Variants in TMEM266 observed in about 807,000 individuals in gnomAD.
TMEM266 encodes the protein transmembrane protein 266, also known as Hv1 related protein 1.
A neutral mutation model predicts 50.5 loss-of-function variants in TMEM266; 33 were observed. The observed-to-expected ratio is 0.65, with a 90% confidence interval of 0.50 to 0.87. The LOEUF is 0.87. Ranked by LOEUF, TMEM266 falls within the 40% of genes least tolerant of loss-of-function variation. TMEM266 has a pLI of 0.00. For synonymous variants in TMEM266, 310 were observed against 292.3 expected (o/e 1.06, Z -0.62); for missense variants, 655 against 695.1 (o/e 0.94, Z 0.65).
Position 76,192,048 on chromosome 15 carries a change from C to A in TMEM266, c.849C>A (p.Ala283=). Residue 283 remains alanine (A), a synonymous_variant, in exon 9 of 11, where the codon GCC becomes GCA. Transcript: ENST00000388942. ...CCGAGCGCGAAGCGGCGCTCCAGGC[C>A]CCGCACGTGCTCAGCCAGCCGCGCA... The A allele has an allele frequency of 6.5e-7, 1 of 1,539,174 alleles. No individual in the cohort carries two copies. Among genetic ancestry groups the A allele is most frequent in the Non-Finnish European group, 8.7e-7 (1 of 1,149,694 alleles).
Position 76,203,837 on chromosome 15 carries a change from T to C in TMEM266, c.1118T>C (p.Met373Thr). Residue 373 changes from methionine (M) to threonine (T), a missense_variant, in exon 11 of 11, where the codon ATG (methionine) becomes ACG (threonine). Around this residue, in one of 3 missense-constraint regions of TMEM266, gnomAD observed 455 missense variants for 401.8 expected, o/e 1.13. Coordinates refer to ENST00000388942, the MANE Select transcript of TMEM266 (RefSeq NM_152335.3). ...TCCTCGGACCTCTTCTCTCTGGACA[T>C]GCCCCTCAAACTCGGCGGTAATGGC... 1.9e-6 allele frequency: 3 copies of C among 1,614,208 alleles called. No homozygotes were observed. Among genetic ancestry groups the C allele is most frequent in the Non-Finnish European group, 2.5e-6 (3 of 1,180,032 alleles).
chr15:76,140,741 G>T (rs74676835), intron 3 of TMEM266, among the ~76,000 whole-genome samples: 1,799 of 152,182 alleles, frequency 0.012, 37 homozygotes, highest in African/African-American at 0.042. Context: ...GTCACACAGT[G>T]ACAGAGACGG....
rs934049190 is a variant in TMEM266, at chr15:76,145,491, C to T, written c.227+7596C>T. Among the ~76,000 whole-genome samples, 4 of 152,208 alleles carry T rather than the reference C, an allele frequency of 2.6e-5. No homozygotes were observed. In the South Asian group the frequency reaches 6.2e-4, roughly 24 times the overall value. ...AACAAAGAACTTTCCCAGAAGCCTC[C>T]AGCAGCTCTCTCCTTCATGTATGTT... is the stretch of plus-strand genomic sequence containing the variant. On this transcript the variant is annotated intron_variant, in intron 3 of 10. Coordinates refer to ENST00000388942, the MANE Select transcript of TMEM266 (RefSeq NM_152335.3).
At chr15:76,127,147 C>T (rs896509692) in intron 1 of TMEM266, among the ~76,000 whole-genome samples, 4 of 152,032 alleles carry the variant, frequency 2.6e-5, no homozygotes, top group African/African-American at 7.3e-5. Flanking sequence ...ATGATGTGAT[C>T]GGTATGTTAA....
intron 1 of TMEM266, among the ~76,000 whole-genome samples, chr15:76,079,876 A>G (rs978394684): frequency 2.6e-5 from 4 of 151,900 alleles, no homozygotes; most frequent in Non-Finnish European, 4.4e-5. Context: ...AACCCACTAT[A>G]GGTCGTAAGT....
chr15:76,121,388 CT>C (rs566993937), intron 1 of TMEM266, among the ~76,000 whole-genome samples: 4 of 151,970 alleles, frequency 2.6e-5, no homozygotes, highest in Non-Finnish European at 5.9e-5. Context: ...ACTTGGTGGG[CT>C]TAACAAAACA....
intron 1 of TMEM266, among the ~76,000 whole-genome samples, chr15:76,107,867 A>G (rs1188384805): frequency 6.6e-6 from 1 of 152,234 alleles, no homozygotes; most frequent in Non-Finnish European, 1.5e-5. Flanking sequence ...CTTATTCCAT[A>G]TCCTTCTGTC....
At chr15:76,087,992 T>C (rs1369041802) in intron 1 of TMEM266, among the ~76,000 whole-genome samples, 1 of 152,200 alleles carries the variant, frequency 6.6e-6, no homozygotes, top group African/African-American at 2.4e-5. Flanking sequence ...ACAACTTCTT[T>C]GCAACAATCA....
intron 9 of TMEM266, among the ~76,000 whole-genome samples, chr15:76,194,829 A>G (rs1408089511): frequency 6.6e-6 from 1 of 152,112 alleles, no homozygotes; most frequent in East Asian, 1.9e-4. Flanking sequence ...AACTAATGAC[A>G]TCTGCAACCG....
At chr15:76,186,399 TCC>T (rs777349530) in intron 8 of TMEM266, among the ~76,000 whole-genome samples, 6 of 152,326 alleles carry the variant, frequency 3.9e-5, no homozygotes, top group Admixed American at 6.5e-5. Context: ...CCCTGGGCTG[TCC>T]CAGCCTGTGA....
intron 1 of TMEM266, among the ~76,000 whole-genome samples, chr15:76,091,277 C>T (rs2036843611): frequency 6.6e-6 from 1 of 151,924 alleles, no homozygotes; most frequent in Admixed American, 6.6e-5. Context: ...GGGTGTACTC[C>T]AGCAAAGATA....
intron 3 of TMEM266, among the ~76,000 whole-genome samples, chr15:76,155,564 G>A (rs1210132155): frequency 1.3e-5 from 2 of 152,200 alleles, no homozygotes; most frequent in African/African-American, 4.8e-5. Flanking sequence ...GACAAAGGGT[G>A]TCACGGTCCA....
intron 8 of TMEM266, among the ~76,000 whole-genome samples, chr15:76,179,496 T>C (rs903923649): frequency 1.3e-5 from 2 of 152,188 alleles, no homozygotes; most frequent in African/African-American, 4.8e-5. Flanking sequence ...CACTGTTCTT[T>C]TCCAGCCCAT....
At chr15:76,100,399 C>T (rs1251020230) in intron 1 of TMEM266, among the ~76,000 whole-genome samples, 1 of 152,190 alleles carries the variant, frequency 6.6e-6, no homozygotes, top group Non-Finnish European at 1.5e-5. Flanking sequence ...CTCTAATTCC[C>T]TCACTAAAAA....
chr15:76,131,066 C>T (rs1385464972), intron 1 of TMEM266, among the ~76,000 whole-genome samples: 2 of 152,136 alleles, frequency 1.3e-5, no homozygotes, highest in Non-Finnish European at 2.9e-5. Flanking sequence ...GGGCTAATAC[C>T]TTGTGTAGCA....
At chr15:76,154,634 C>T (rs1205701750) in intron 3 of TMEM266, among the ~76,000 whole-genome samples, 2 of 152,202 alleles carry the variant, frequency 1.3e-5, no homozygotes, top group Non-Finnish European at 2.9e-5. Context: ...GCCTCTTCCT[C>T]TTCCTCCTTT....
chr15:76,077,569 A>C lies in TMEM266; in HGVS notation c.-97+17553A>C, dbSNP rs115018688. Among the ~76,000 whole-genome samples, 628 of 152,256 alleles carry C rather than the reference A, an allele frequency of 4.1e-3. 12 individuals carry two copies. The highest frequency in any genetic ancestry group is 0.014 in the African/African-American group (589 of 41,498). On this transcript the variant is annotated intron_variant, in intron 1 of 10. Transcript: ENST00000388942. ...TCTTGAGATAAGATAATTCTGGATT[A>C]TCAGATGGGCAGTAAATACCATCAC...
At chr15:76,073,039 C>T (rs1169722465) in intron 1 of TMEM266, among the ~76,000 whole-genome samples, 3 of 152,024 alleles carry the variant, frequency 2.0e-5, no homozygotes, top group Admixed American at 1.3e-4. Flanking sequence ...TCAAGTGATT[C>T]TCCTGCCTCA....
chr15:76,175,508 T>C lies in TMEM266; in HGVS notation c.653-51T>C, dbSNP rs375064625. ...GAATGCTGGGCCCGCCCTTCCCTAG[T>C]CCAAGCCCTGCCACTGCTGAATTCT... On this transcript the variant is annotated intron_variant, in intron 7 of 10. Transcript: ENST00000388942. 1.3e-4 allele frequency: 192 copies of C among 1,478,018 alleles called. 2 individuals are homozygous for C. The African/African-American group carries it at 2.3e-3, about 18-fold the overall frequency. 91.6% of individuals were successfully genotyped at this position (1,478,018 alleles called of 1,614,324 possible).
Sources: gnomAD v4.1 joint callset for allele counts (sites outside exome capture counted in the v4.1 genomes callset) on GRCh38, gnomAD v4.1.1 for gene constraint, gnomAD v4.1.1 regional missense constraint, MANE v1.5 for transcripts, NCBI Gene and HGNC (gene_info 2026-07-23, HGNC 2026-07-21) for gene names.